ADAMTSL1: variants seen among roughly 807,000 people sequenced by gnomAD.
ADAMTSL1 encodes the protein ADAMTS like 1, also known as ADAMTS-like protein 1.
Under a neutral mutation model 201.8 loss-of-function variants are expected in ADAMTSL1, and 126 were observed. That is an observed-to-expected ratio of 0.62 (90% confidence interval 0.54 to 0.72). The LOEUF (loss-of-function observed/expected upper bound fraction) is 0.72. Ranked by LOEUF, ADAMTSL1 falls within the 30% of genes least tolerant of loss-of-function variation. ADAMTSL1 has a pLI of 0.00. For synonymous variants in ADAMTSL1, 1,121 were observed against 903.4 expected, an observed-to-expected ratio of 1.24 and a Z score of -4.32; for missense variants, 2,679 against 2,277.8, an observed-to-expected ratio of 1.18 and a Z score of -3.59.
At chr9:18,814,148 T>C (rs1823686994) in intron 20 of ADAMTSL1, among the ~76,000 whole-genome samples, 1 of 152,238 alleles carries the variant, frequency 6.6e-6, no homozygotes, top group Middle Eastern at 3.2e-3. Context: ...ATGTTGAGCA[T>C]ATAGTTTTTG....
At chr9:18,264,057 C>A (rs1832028934) in intron 2 of ADAMTSL1, among the ~76,000 whole-genome samples, 1 of 152,156 alleles carries the variant, frequency 6.6e-6, no homozygotes, top group Non-Finnish European at 1.5e-5. Context: ...GAGAACTCAT[C>A]AGTTAGCTAC....
intron 23 of ADAMTSL1, among the ~76,000 whole-genome samples, chr9:18,879,284 C>G (rs1245772819): frequency 6.6e-6 from 1 of 152,162 alleles, no homozygotes; most frequent in African/African-American, 2.4e-5. Flanking sequence ...TTCTCACTTG[C>G]AAATTAGAAA....
chr9:18,849,678 A>T (rs887268568), intron 23 of ADAMTSL1, among the ~76,000 whole-genome samples: 1 of 152,192 alleles, frequency 6.6e-6, no homozygotes, highest in Non-Finnish European at 1.5e-5. Context: ...CATGTCAAAG[A>T]GACACAAGTC....
In ADAMTSL1 at chr9:18,657,661, A is replaced by T; in HGVS notation, c.857A>T (p.Asp286Val). 1 of 1,614,184 alleles carries T rather than the reference A, an allele frequency of 6.2e-7. No individual in the cohort carries two copies. ...IVKIRNSGSA[D>V]STVQFIFYQP... is the part of the protein sequence containing the mutation. ...CAGATTCGTAACTCGGGCTCCGCTG[A>T]CAGTACAGTCCAGTTCATCTTCTAT... is the stretch of plus-strand genomic sequence containing the variant. Residue 286 changes from aspartate to valine, a missense_variant, in exon 8 of 29, where the codon GAC becomes GTC. Asp to Val is a radical substitution (Grantham distance 152, BLOSUM62 -3). Transcript: ENST00000380548.
chr9:18,566,184 A>G (rs1379135154), intron 3 of ADAMTSL1, among the ~76,000 whole-genome samples: 2 of 152,350 alleles, frequency 1.3e-5, no homozygotes, highest in African/African-American at 4.8e-5. Flanking sequence ...TATTCCATCA[A>G]TTAGAAAACT....
intron 19 of ADAMTSL1, among the ~76,000 whole-genome samples, chr9:18,788,263 G>A (rs983774860): frequency 1.3e-5 from 2 of 152,030 alleles, no homozygotes; most frequent in East Asian, 1.9e-4. Flanking sequence ...TCCTGCTCAC[G>A]GAGGAGATCT....
chr9:18,339,808 G>A (rs548871687), intron 2 of ADAMTSL1, among the ~76,000 whole-genome samples: 2 of 152,116 alleles, frequency 1.3e-5, no homozygotes, highest in Admixed American at 6.5e-5. Context: ...GCATTTAAAT[G>A]TCTTCAAGAT....
Position 18,721,644 on chromosome 9 carries a change from A to G in ADAMTSL1, c.1985A>G (p.Asn662Ser), listed in dbSNP as rs144658832. The G allele has an allele frequency of 3.8e-4, 612 of 1,613,948 alleles. No individual in the cohort carries two copies. The highest frequency in any genetic ancestry group is 1.9e-3 in the East Asian group (85 of 44,876). ...RRPPQLLKSC[N>S]LDPCPARWEI... ...CCCCCACAGCTCCTGAAGTCCTGCA[A>G]TTTGGATCCCTGCCCAGCAAGGTAA... is the stretch of plus-strand genomic sequence containing the variant. The change falls in exon 15 of 29, where the codon AAT becomes AGT. Residue 662 changes from asparagine to serine, a missense_variant. Asn to Ser is a conservative substitution (Grantham distance 46). Coordinates refer to ENST00000380548, the MANE Select transcript of ADAMTSL1 (RefSeq NM_001040272.6).
chr9:18,355,910 C>A (rs1308502446), intron 2 of ADAMTSL1, among the ~76,000 whole-genome samples: 1 of 152,176 alleles, frequency 6.6e-6, no homozygotes, highest in African/African-American at 2.4e-5. Flanking sequence ...AGTTACTTTG[C>A]AAGCTGGGGA....
chr9:17,937,354 A>C (rs1827051712), intron 1 of ADAMTSL1, among the ~76,000 whole-genome samples: 1 of 151,966 alleles, frequency 6.6e-6, no homozygotes, highest in East Asian at 1.9e-4. Context: ...ACAGAGTTGA[A>C]CTAAATTGGA....
chr9:18,755,647 C>G lies in ADAMTSL1; in HGVS notation c.2217+2139C>G, dbSNP rs373792964. The stretch of plus-strand genomic sequence containing the variant: ...ACCTTTTTTTGGTCAATTGCCATCA[C>G]CACCACCTGTATGCCCAGCATCCCT... On this transcript the variant is annotated intron_variant, in intron 16 of 28. Transcript: ENST00000380548. 2.0e-3 allele frequency among the ~76,000 whole-genome samples: 312 copies of G among 152,254 alleles called. 13 individuals carry two copies. In the South Asian group the frequency reaches 0.062, roughly 30 times the overall value.
rs190583024 is a variant in ADAMTSL1 at position 18,040,028 on chromosome 9, T to C, written c.88-123834T>C. 9.8e-5 allele frequency among the ~76,000 whole-genome samples: 15 copies of C among 152,300 alleles called. No individual in the cohort carries two copies. The East Asian group carries it at 2.5e-3, about 25-fold the overall frequency. Reference sequence around the variant, plus strand: ...ATTGTGTCTCCAGGATGGTCCTGACTTATGCCTATGTCTTGGCATTTTGTC... The same window carrying C: ...ATTGTGTCTCCAGGATGGTCCTGACCTATGCCTATGTCTTGGCATTTTGTC... On this transcript the variant is annotated intron_variant, in intron 1 of 29. Coordinates refer to the ADAMTSL1 transcript ENST00000680146.
At chr9:17,940,806 C>CCCT (rs1554667537) in intron 1 of ADAMTSL1, among the ~76,000 whole-genome samples, 1 of 59,002 alleles carries the variant, frequency 1.7e-5, no homozygotes, top group East Asian at 2.3e-3. Flanking sequence ...AATAACACCC[C>CCCT]CCCCCCAAAA....
intron 2 of ADAMTSL1, among the ~76,000 whole-genome samples, chr9:18,526,356 G>A (rs1819048119): frequency 6.6e-6 from 1 of 152,202 alleles, no homozygotes. Context: ...TGGGTCTCCT[G>A]AATACAGCAC....
chr9:18,244,725 A>C (rs934929871), intron 2 of ADAMTSL1, among the ~76,000 whole-genome samples: 2 of 152,214 alleles, frequency 1.3e-5, no homozygotes, highest in Middle Eastern at 6.8e-3. Context: ...AGTGGTGTCA[A>C]ATAGGATGCT....
chr9:18,115,994 A>G lies in ADAMTSL1; in HGVS notation c.88-47868A>G, dbSNP rs372346321. Among the ~76,000 whole-genome samples, 66 of 152,248 alleles carry G rather than the reference A, an allele frequency of 4.3e-4. 1 individual carries two copies. In the South Asian group the frequency reaches 0.013, roughly 30 times the overall value. On this transcript the variant is annotated intron_variant, in intron 1 of 29. Coordinates refer to the ADAMTSL1 transcript ENST00000680146. Reference sequence around the variant, plus strand: ...TTCTAGTTTTACTAAGTTGTGCCTTATAAAACTGTTCTCTGATATTGTGGA... The same window carrying G: ...TTCTAGTTTTACTAAGTTGTGCCTTGTAAAACTGTTCTCTGATATTGTGGA...
chr9:18,530,221 T>C (rs890191672), intron 2 of ADAMTSL1, among the ~76,000 whole-genome samples: 9 of 152,120 alleles, frequency 5.9e-5, no homozygotes, highest in Admixed American at 5.9e-4. Context: ...GTAAGGAAAC[T>C]AAGACCCTAA....
intron 3 of ADAMTSL1, among the ~76,000 whole-genome samples, chr9:18,556,412 A>C (rs1301752395): frequency 6.6e-6 from 1 of 152,018 alleles, no homozygotes; most frequent in Non-Finnish European, 1.5e-5. Context: ...TTTATTAATC[A>C]TGCAAATCTT....
chr9:18,177,312 G>T (rs1397965944), intron 2 of ADAMTSL1, among the ~76,000 whole-genome samples: 1 of 152,112 alleles, frequency 6.6e-6, no homozygotes, highest in Non-Finnish European at 1.5e-5. Flanking sequence ...TGGTATAATT[G>T]TTATTAATAG....
Sources: gnomAD v4.1 joint callset for allele counts (sites outside exome capture counted in the v4.1 genomes callset) on GRCh38, gnomAD v4.1.1 for gene constraint, MANE v1.5 for transcripts, NCBI Gene and HGNC (gene_info 2026-07-23, HGNC 2026-07-21) for gene names.